Variants in DTD1 observed in about 807,000 individuals in gnomAD.
DTD1 encodes D-tyrosyl-tRNA deacylase 1 homolog.
A neutral mutation model predicts 25.6 loss-of-function variants in DTD1; 13 were observed. That is an observed-to-expected ratio of 0.51 (90% CI 0.33 to 0.81). The LOEUF (loss-of-function observed/expected upper bound fraction) is 0.81, where lower values mean the gene tolerates loss of function less well. Among genes scored for constraint, DTD1 ranks in the 30% least tolerant of loss-of-function variants. DTD1 has a pLI of 0.02. For missense variants in DTD1, 193 were observed against 266.4 expected, an observed-to-expected ratio of 0.72 and a Z score of 1.92; for synonymous variants, 110 against 103.6, an observed-to-expected ratio of 1.06 and a Z score of -0.37.
chr20:18,742,958 G>A (rs186735902), intron 4 of DTD1, among the ~76,000 whole-genome samples: 7 of 152,322 alleles, frequency 4.6e-5, no homozygotes, highest in South Asian at 2.1e-4. Flanking sequence ...CTTAGTCTGG[G>A]AGGGAGATAA....
In DTD1 at chr20:18,621,742, C is replaced by T. The variant is rs544425602; in HGVS notation, c.371-6385C>T. On this transcript the variant is annotated intron_variant, in intron 3 of 5. Transcript: ENST00000377452. ...TAGCATTCAATTACTAGATCCAGAA[C>T]ATCTTGGCTAATATATTTACTTTTT... Among the ~76,000 whole-genome samples, 22 of 152,210 alleles carry T rather than the reference C, an allele frequency of 1.4e-4. No individual in the cohort carries two copies. In the South Asian group the frequency reaches 3.5e-3, roughly 24 times the overall value.
At chr20:18,689,222 C>G in intron 4 of DTD1, among the ~76,000 whole-genome samples, 1 of 152,126 alleles carries the variant, frequency 6.6e-6, no homozygotes, top group Non-Finnish European at 1.5e-5. Flanking sequence ...GTTGCCTTTT[C>G]CCTCCCATGT....
At chr20:18,714,602 C>G (rs2061172878) in intron 4 of DTD1, among the ~76,000 whole-genome samples, 1 of 152,186 alleles carries the variant, frequency 6.6e-6, no homozygotes, top group Admixed American at 6.5e-5. Context: ...GTGGAATTGA[C>G]AGACACTGTC....
At chr20:18,714,358 G>C (rs367702116) in intron 4 of DTD1, among the ~76,000 whole-genome samples, 15 of 152,102 alleles carry the variant, frequency 9.9e-5, no homozygotes, top group African/African-American at 3.6e-4. Context: ...TCATGCTTGG[G>C]TTCAAGCTGT....
Position 18,744,176 on chromosome 20 carries a change from G to T in DTD1, c.554G>T (p.Arg185Ile). The change falls in exon 5 of 6, where the codon AGA becomes ATA. Residue 185 changes from arginine to isoleucine, a missense_variant. Physicochemically the swap from Arg to Ile is moderately conservative, Grantham distance 97. Coordinates refer to ENST00000377452, the MANE Select transcript of DTD1 (RefSeq NM_080820.6). ...GGACCTTCTGAATCAAGCAAGGAAA[G>T]AAACACTCCCCGAAAAGAAGACCGC... is the stretch of plus-strand genomic sequence containing the variant. Reference protein sequence around the residue: ...AKGPSESSKERNTPRKEDRSA... With the variant: ...AKGPSESSKEINTPRKEDRSA... The T allele has an allele frequency of 1.2e-6, 2 of 1,612,380 alleles. No individual in the cohort carries two copies. The highest frequency in any genetic ancestry group is 1.7e-6 in the Non-Finnish European group (2 of 1,180,032).
intron 4 of DTD1, among the ~76,000 whole-genome samples, chr20:18,672,431 T>C (rs1366282977): frequency 2.6e-5 from 4 of 152,164 alleles, no homozygotes; most frequent in Non-Finnish European, 4.4e-5. Flanking sequence ...CTAGTGAGTT[T>C]GAATAGCTTT....
intron 4 of DTD1, among the ~76,000 whole-genome samples, chr20:18,665,054 C>T (rs17808916): frequency 0.035 from 5,361 of 152,254 alleles, 172 homozygotes; most frequent in Non-Finnish European, 0.048. Flanking sequence ...ATATGTATCT[C>T]GGACCATTTT....
At chr20:18,612,323 C>G (rs571211754) in intron 3 of DTD1, among the ~76,000 whole-genome samples, 1 of 152,078 alleles carries the variant, frequency 6.6e-6, no homozygotes, top group African/African-American at 2.4e-5. Flanking sequence ...GGTGAGCCAC[C>G]GCGCCTGGCC....
intron 3 of DTD1, among the ~76,000 whole-genome samples, chr20:18,611,576 GA>G (rs1471350182): frequency 6.6e-6 from 1 of 152,140 alleles, no homozygotes; most frequent in Non-Finnish European, 1.5e-5. Flanking sequence ...GTTAGTGACA[GA>G]GAGAAGATCG....
At chr20:18,647,482 A>G (rs144266831) in intron 4 of DTD1, among the ~76,000 whole-genome samples, 82 of 152,300 alleles carry the variant, frequency 5.4e-4, no homozygotes, top group East Asian at 9.6e-4. Flanking sequence ...AGCACAGAAC[A>G]GATGTCTTAG....
chr20:18,635,834 C>T (rs1181449353), intron 4 of DTD1, among the ~76,000 whole-genome samples: 1 of 152,146 alleles, frequency 6.6e-6, no homozygotes, highest in African/African-American at 2.4e-5. Flanking sequence ...ATTGATTAAT[C>T]AATTGACTTT....
At chr20:18,717,636 A>T (rs2061186314) in intron 4 of DTD1, among the ~76,000 whole-genome samples, 1 of 152,220 alleles carries the variant, frequency 6.6e-6, no homozygotes, top group African/African-American at 2.4e-5. Flanking sequence ...AATTATGCAT[A>T]GTGGATTCTC....
chr20:18,700,235 G>A (rs1357968160), intron 4 of DTD1, among the ~76,000 whole-genome samples: 1 of 152,176 alleles, frequency 6.6e-6, no homozygotes, highest in Non-Finnish European at 1.5e-5. Context: ...TGGTCAAGAT[G>A]GTATCAGTCA....
At chr20:18,645,035 C>T (rs2060845393) in intron 4 of DTD1, among the ~76,000 whole-genome samples, 1 of 152,114 alleles carries the variant, frequency 6.6e-6, no homozygotes, top group Non-Finnish European at 1.5e-5. Flanking sequence ...TTTGTAGTCC[C>T]AGCCAGTCGG....
At chr20:18,726,781 T>G (rs2061223835) in intron 4 of DTD1, among the ~76,000 whole-genome samples, 2 of 152,344 alleles carry the variant, frequency 1.3e-5, no homozygotes, top group Admixed American at 6.5e-5. Context: ...TCTTCCCCGT[T>G]ATGGTAATTA....
At chr20:18,650,173 G>A (rs973797465) in intron 4 of DTD1, among the ~76,000 whole-genome samples, 5 of 152,230 alleles carry the variant, frequency 3.3e-5, no homozygotes, top group African/African-American at 1.2e-4. Context: ...AGGCTGCAGT[G>A]AGCTGAGACT....
At chr20:18,716,034 G>T (rs1486454469) in intron 4 of DTD1, among the ~76,000 whole-genome samples, 1 of 152,184 alleles carries the variant, frequency 6.6e-6, no homozygotes, top group Non-Finnish European at 1.5e-5. Context: ...GACCAATCCT[G>T]CTGTGCTCTT....
At chr20:18,760,344 T>C (rs2061356547) in intron 5 of DTD1, among the ~76,000 whole-genome samples, 1 of 152,220 alleles carries the variant, frequency 6.6e-6, no homozygotes, top group Admixed American at 6.5e-5. Flanking sequence ...TTCTACTCTG[T>C]GTTTTCCTCA....
At chr20:18,719,067 G>T (rs2061192785) in intron 4 of DTD1, among the ~76,000 whole-genome samples, 1 of 152,190 alleles carries the variant, frequency 6.6e-6, no homozygotes, top group African/African-American at 2.4e-5. Flanking sequence ...AGTTGAAAGT[G>T]CATTTTTGAC....
Sources: allele counts gnomAD v4.1 joint callset (sites outside exome capture counted in the v4.1 genomes callset), GRCh38; gene constraint gnomAD v4.1.1; transcripts MANE v1.5; gene names NCBI Gene and HGNC (gene_info 2026-07-23, HGNC 2026-07-21).